RASGEF1A: variants seen among roughly 807,000 people sequenced by gnomAD.
The protein encoded by RASGEF1A is ras-GEF domain-containing family member 1A.
A neutral mutation model predicts 56.4 loss-of-function variants in RASGEF1A; 18 were observed. That is an observed-to-expected ratio of 0.32 (90% CI 0.22 to 0.47). The LOEUF (loss-of-function observed/expected upper bound fraction) is 0.47, where lower values mean the gene tolerates loss of function less well. RASGEF1A is among the 20% of genes least tolerant of loss of function. RASGEF1A has a pLI of 1.00. For missense variants in RASGEF1A, 422 were observed against 627.1 expected, an observed-to-expected ratio of 0.67 and a Z score of 3.49; for synonymous variants, 245 against 242.6, an observed-to-expected ratio of 1.01 and a Z score of -0.09.
intron 1 of RASGEF1A, among the ~76,000 whole-genome samples, chr10:43,248,364 TAAAAA>T (rs34561814): frequency 9.0e-6 from 1 of 111,420 alleles, no homozygotes; most frequent in Non-Finnish European, 1.8e-5. Context: ...ACTCGGTCTT[TAAAAA>T]AAAAAAAAAA....
intron 1 of RASGEF1A, among the ~76,000 whole-genome samples, chr10:43,257,144 A>G (rs77783920): frequency 2.0e-5 from 3 of 152,272 alleles, no homozygotes; most frequent in African/African-American, 7.2e-5. Flanking sequence ...GGTGGGGGTG[A>G]GGGTGAGCAG....
rs764801376 is a variant in RASGEF1A at position 43,206,029 on chromosome 10, C to T, written c.88G>A (p.Gly30Arg). The change falls in exon 2 of 13, where the codon GGG becomes AGG. Residue 30 changes from glycine (G) to arginine (R), a missense_variant. By Grantham distance (125) the Gly-to-Arg change is moderately radical. This residue lies in a region of RASGEF1A where 273 missense variants were observed against 339.9 expected (regional missense o/e 0.80). Transcript: ENST00000395810. Reference protein sequence around the residue: ...VQPGMGERGGGAGGGSGDLIF... With the variant: ...VQPGMGERGGRAGGGSGDLIF... ...AGGTCCCCGGAGCCGCCACCGGCCC[C>T]GCCTCCACGCTCCCCCATGCCAGGC... The T allele has an allele frequency of 3.4e-5, 54 of 1,610,214 alleles. No individual in the cohort carries two copies. The highest frequency in any genetic ancestry group is 4.2e-5 in the Non-Finnish European group (49 of 1,178,922).
At chr10:43,247,747 AGGGGCAGT>A (rs1840582525) in intron 1 of RASGEF1A, among the ~76,000 whole-genome samples, 1 of 152,188 alleles carries the variant, frequency 6.6e-6, no homozygotes. Context: ...GGGTTGGGGA[AGGGGCAGT>A]TTGAGGGATA....
rs1588951030 is a variant in RASGEF1A, at chr10:43,251,303, A to C, written c.-7+15542T>G. Among the ~76,000 whole-genome samples, 2 of 152,180 alleles carry C rather than the reference A, an allele frequency of 1.3e-5. 1 individual carries two copies. Among genetic ancestry groups the C allele is most frequent in the Non-Finnish European group, 2.9e-5 (2 of 67,972 alleles). ...CCTGTGGGTTCGGCACCAGGTCCCT[A>C]ATATCCCCCCAATATGAGGACTGTG... On this transcript the variant is annotated intron_variant, in intron 1 of 12. Coordinates refer to ENST00000395810, the MANE Select transcript of RASGEF1A (RefSeq NM_145313.4).
intron 3 of RASGEF1A, among the ~76,000 whole-genome samples, chr10:43,202,924 C>T (rs1157265238): frequency 6.7e-6 from 1 of 148,320 alleles, no homozygotes; most frequent in East Asian, 2.0e-4. Flanking sequence ...CCAGCCAGGC[C>T]ATGCCTAACC....
chr10:43,252,662 C>T (rs1840640212), intron 1 of RASGEF1A, among the ~76,000 whole-genome samples: 1 of 152,148 alleles, frequency 6.6e-6, no homozygotes, highest in Non-Finnish European at 1.5e-5. Context: ...CTGATTTCCC[C>T]TCACATGTCC....
intron 1 of RASGEF1A, among the ~76,000 whole-genome samples, chr10:43,265,775 G>A (rs1371450974): frequency 6.6e-6 from 1 of 152,246 alleles, no homozygotes; most frequent in East Asian, 1.9e-4. Context: ...AGAGTCCAGG[G>A]CACCGAGGTG....
chr10:43,257,286 C>T (rs138575531), intron 1 of RASGEF1A, among the ~76,000 whole-genome samples: 5 of 152,220 alleles, frequency 3.3e-5, no homozygotes, highest in African/African-American at 4.8e-5. Context: ...CTCCAAGCCT[C>T]GCTGACACAC....
chr10:43,251,217 A>G (rs1840624518), intron 1 of RASGEF1A, among the ~76,000 whole-genome samples: 1 of 152,194 alleles, frequency 6.6e-6, no homozygotes, highest in African/African-American at 2.4e-5. Flanking sequence ...TTCCTGCCGC[A>G]GTCCCAGCAT....
chr10:43,205,208 C>A (rs564307996), intron 2 of RASGEF1A, among the ~76,000 whole-genome samples: 4 of 152,256 alleles, frequency 2.6e-5, no homozygotes, highest in African/African-American at 9.6e-5. Flanking sequence ...ATGATGCGGG[C>A]AGGACTGGCC....
intron 1 of RASGEF1A, among the ~76,000 whole-genome samples, chr10:43,264,379 T>C (rs1001596966): frequency 2.0e-5 from 3 of 150,306 alleles, no homozygotes; most frequent in African/African-American, 7.3e-5. Flanking sequence ...GGGGAGGGCC[T>C]CTGACACCCC....
intron 1 of RASGEF1A, among the ~76,000 whole-genome samples, chr10:43,253,355 G>C (rs1318604545): frequency 2.6e-5 from 4 of 152,208 alleles, no homozygotes; most frequent in African/African-American, 4.8e-5. Context: ...CTCAAGAGTG[G>C]GTATGGCCCC....
chr10:43,196,382 G>T lies in RASGEF1A; in HGVS notation c.1421+94C>A. The stretch of plus-strand genomic sequence containing the variant: ...GGGACCCTGGACCAGGGACGCGGCA[G>T]TGCCCAGGCTCCCTTTCCAGGAGGG... On this transcript the variant is annotated intron_variant, in intron 12 of 12. Transcript: ENST00000395810. This position sits in a 1 kb window ranked among gnomAD's most constrained non-coding sequence, Gnocchi z 4.6. 1 of 1,551,948 alleles carries T rather than the reference G, an allele frequency of 6.4e-7. No individual in the cohort carries two copies. The highest frequency in any genetic ancestry group is 1.1e-5 in the South Asian group (1 of 89,784).
chr10:43,224,694 G>A (rs1057140561), intron 1 of RASGEF1A, among the ~76,000 whole-genome samples: 2 of 152,168 alleles, frequency 1.3e-5, no homozygotes, highest in South Asian at 4.1e-4. Flanking sequence ...TGAAGATCAA[G>A]CCAAAGACAA....
chr10:43,229,275 C>G (rs1840326270), intron 1 of RASGEF1A, among the ~76,000 whole-genome samples: 1 of 152,236 alleles, frequency 6.6e-6, no homozygotes, highest in Non-Finnish European at 1.5e-5. Flanking sequence ...ACACAGACCA[C>G]ACACCGCGGA....
chr10:43,214,711 C>A (rs947341103), intron 1 of RASGEF1A, among the ~76,000 whole-genome samples: 11 of 152,254 alleles, frequency 7.2e-5, no homozygotes, highest in Admixed American at 5.9e-4. Flanking sequence ...AATTCTAGGA[C>A]CCCTTCTGGA....
In RASGEF1A at chr10:43,196,607, A is replaced by G. The variant is rs1356272995; in HGVS notation, c.1349-59T>C. On this transcript the variant is annotated intron_variant, in intron 11 of 12. Coordinates refer to ENST00000395810, the MANE Select transcript of RASGEF1A (RefSeq NM_145313.4). The surrounding 1 kb of genome is among the most constrained non-coding windows in gnomAD (Gnocchi z 4.6). ...CCCCATGCAGTGTCTGCCTGAACCC[A>G]GCTGTCCCTTCAGGAGTACAGCCCA... 6 of 1,504,942 alleles carry G rather than the reference A, an allele frequency of 4.0e-6. No individual in the cohort carries two copies. Among genetic ancestry groups the G allele is most frequent in the Non-Finnish European group, 5.5e-6 (6 of 1,088,042 alleles). 93.2% of individuals were successfully genotyped at this position (1,504,942 alleles called of 1,614,324 possible).
Position 43,256,833 on chromosome 10 carries a change from G to A in RASGEF1A, c.-7+10012C>T, listed in dbSNP as rs532421205. Among the ~76,000 whole-genome samples the A allele has an allele frequency of 9.9e-5, 15 of 152,250 alleles. 1 individual carries two copies. The South Asian group carries it at 1.9e-3, about 19-fold the overall frequency. On this transcript the variant is annotated intron_variant, in intron 1 of 12. Coordinates refer to ENST00000395810, the MANE Select transcript of RASGEF1A (RefSeq NM_145313.4). ...ACTTTCTTGCCATTCCCTGGTTGCC[G>A]GCAGGAGTCCATCTTGGGGCCCAGC...
rs968424176 is a variant in RASGEF1A at position 43,194,794 on chromosome 10, T to G, written c.*1450A>C. On this transcript the variant is annotated 3_prime_UTR_variant, in exon 13 of 13. Coordinates refer to ENST00000395810, the MANE Select transcript of RASGEF1A (RefSeq NM_145313.4). The stretch of plus-strand genomic sequence containing the variant: ...ATTCCAAATATATATTCTCAAGTTT[T>G]AAGCCTTTCTCATCTCAAAGACATA... The G allele has an allele frequency of 2.6e-5, 4 of 152,660 alleles. No individual in the cohort carries two copies. Among genetic ancestry groups the G allele is most frequent in the African/African-American group, 9.6e-5 (4 of 41,474 alleles). 9.5% of individuals were successfully genotyped at this position (152,660 alleles called of 1,614,324 possible).
Sources: allele counts gnomAD v4.1 joint callset (sites outside exome capture counted in the v4.1 genomes callset), GRCh38; gene constraint gnomAD v4.1.1; regional missense constraint gnomAD v4.1.1; non-coding constraint Gnocchi (gnomAD v3.1); transcripts MANE v1.5; gene names NCBI Gene and HGNC (gene_info 2026-07-23, HGNC 2026-07-21).